Variants in ELOVL2 observed in about 807,000 individuals in gnomAD.
ELOVL2 encodes the protein very long chain fatty acid elongase 2.
Under a neutral mutation model 37.7 loss-of-function variants are expected in ELOVL2, and 38 were observed. The ratio of observed to expected loss-of-function variants is 1.01; its 90% CI spans 0.78 to 1.32. ELOVL2 has a LOEUF of 1.32. ELOVL2 is among the 40% of genes most tolerant of loss of function. ELOVL2 has a pLI of 0.00. For missense variants in ELOVL2, 352 were observed against 363.6 expected, an observed-to-expected ratio of 0.97 and a Z score of 0.26; for synonymous variants, 115 against 122.3, an observed-to-expected ratio of 0.94 and a Z score of 0.40.
intron 7 of ELOVL2, among the ~76,000 whole-genome samples, chr6:10,988,803 C>T (rs1402426777): frequency 1.3e-5 from 2 of 152,150 alleles, no homozygotes; most frequent in East Asian, 1.9e-4. Flanking sequence ...AGCTTTCATC[C>T]GTTCTTGTAC....
rs138454355 is a variant in ELOVL2, at chr6:11,042,528, T to A, written c.3+1700A>T. On this transcript the variant is annotated intron_variant, in intron 1 of 7. Transcript: ENST00000354666. ...AGCTAAAGAGATTTCCTTGGACTTA[T>A]TCCCTTACTCACTACAATTCCTACC... 3.3e-4 allele frequency among the ~76,000 whole-genome samples: 50 copies of A among 152,176 alleles called. No homozygotes were observed. In the East Asian group the frequency reaches 9.1e-3, roughly 28 times the overall value.
intron 5 of ELOVL2, among the ~76,000 whole-genome samples, chr6:10,991,951 ATTC>A (rs1782167544): frequency 6.6e-6 from 1 of 152,176 alleles, no homozygotes; most frequent in Admixed American, 6.5e-5. Flanking sequence ...TTTTTCTAAT[ATTC>A]TTAAGCAGAA....
chr6:11,005,522 G>T lies in ELOVL2; in HGVS notation c.105C>A (p.Tyr35Ter). 8 of 1,614,002 alleles carry T rather than the reference G, an allele frequency of 5.0e-6. No individual in the cohort carries two copies. The highest frequency in any genetic ancestry group is 6.8e-6 in the Non-Finnish European group (8 of 1,179,948). The change falls in exon 3 of 8, where the codon TAC becomes TAA. Residue 35 changes from tyrosine (Y) to a stop codon, truncating the protein, a stop_gained. Transcript: ENST00000354666. LOFTEE classifies it high-confidence loss of function. ...TGACAGTAAGAAAAAAGGTAGGAAG[G>T]TAAGAGTCCAACATGAACCACCCTC... The part of the protein sequence containing the change: ...RVRGWFMLDS[Y>*]LPTFFLTVMY...
chr6:11,035,662 A>C (rs1281126812), intron 1 of ELOVL2, among the ~76,000 whole-genome samples: 2 of 152,222 alleles, frequency 1.3e-5, no homozygotes, highest in Non-Finnish European at 2.9e-5. Flanking sequence ...TTTTTTTGTC[A>C]TAATATTACT....
rs1243897084 is a variant in ELOVL2 at position 10,982,360 on chromosome 6, T to C, written c.*1421A>G. 2 of 152,138 alleles carry C rather than the reference T, an allele frequency of 1.3e-5. No individual in the cohort carries two copies. The highest frequency in any genetic ancestry group is 2.9e-5 in the Non-Finnish European group (2 of 68,032). The allele number at this position is 152,138 out of a possible 1,614,324, so 9.4% of individuals were successfully genotyped here. The stretch of plus-strand genomic sequence containing the variant: ...GGGGACGGTGGTGGAAATGCCTTTC[T>C]GGTGTGCATGTATTTGATGTCAGTG... On this transcript the variant is annotated 3_prime_UTR_variant, in exon 8 of 8. Coordinates refer to ENST00000354666, the MANE Select transcript of ELOVL2 (RefSeq NM_017770.4).
At chr6:10,999,729 G>A (rs908259169) in intron 4 of ELOVL2, among the ~76,000 whole-genome samples, 1 of 152,082 alleles carries the variant, frequency 6.6e-6, no homozygotes, top group African/African-American at 2.4e-5. Flanking sequence ...AAAAATATAA[G>A]CAAATACACA....
intron 1 of ELOVL2, among the ~76,000 whole-genome samples, chr6:11,024,614 A>G (rs1453059003): frequency 1.3e-5 from 2 of 152,172 alleles, no homozygotes; most frequent in Non-Finnish European, 2.9e-5. Context: ...TTATTCTCCC[A>G]TCATTCCTAT....
chr6:10,989,077 G>A (rs1782097991), intron 7 of ELOVL2, among the ~76,000 whole-genome samples: 2 of 152,168 alleles, frequency 1.3e-5, no homozygotes, highest in Admixed American at 1.3e-4. Flanking sequence ...TTAACTTTCA[G>A]ATGTCAGACT....
At chr6:11,008,927 C>T (rs1256146651) in intron 2 of ELOVL2, among the ~76,000 whole-genome samples, 3 of 152,180 alleles carry the variant, frequency 2.0e-5, no homozygotes, top group Admixed American at 1.3e-4. Flanking sequence ...AGGAAAACCT[C>T]CTCATTCCTT....
chr6:11,042,216 G>A (rs1012211057), intron 1 of ELOVL2, among the ~76,000 whole-genome samples: 1 of 152,118 alleles, frequency 6.6e-6, no homozygotes, highest in Non-Finnish European at 1.5e-5. Flanking sequence ...AGGAGGCTGA[G>A]GCACGAGAAT....
At chr6:10,989,534 GA>G (rs1209498462) in intron 7 of ELOVL2, among the ~76,000 whole-genome samples, 168 bp downstream of exon 7, 8 of 152,044 alleles carry the variant, frequency 5.3e-5, no homozygotes, top group Non-Finnish European at 1.2e-4. Flanking sequence ...AACTACTTGA[GA>G]GGCTGAGGCA....
At chr6:10,985,048 C>T (rs1375704666) in intron 7 of ELOVL2, among the ~76,000 whole-genome samples, 9 of 152,106 alleles carry the variant, frequency 5.9e-5, no homozygotes, top group South Asian at 4.1e-4. Flanking sequence ...TTTTTAATGA[C>T]TGCCATTCTA....
intron 1 of ELOVL2, among the ~76,000 whole-genome samples, chr6:11,021,858 C>T (rs1782769408): frequency 6.6e-6 from 1 of 152,196 alleles, no homozygotes; most frequent in Non-Finnish European, 1.5e-5. Flanking sequence ...TGCAAACTGG[C>T]AGGACAGTCC....
At chr6:11,020,183 T>TA (rs113673873) in intron 1 of ELOVL2, among the ~76,000 whole-genome samples, 287 of 151,440 alleles carry the variant, frequency 1.9e-3, no homozygotes, top group Non-Finnish European at 3.1e-3. Context: ...CCTTAAGTCT[T>TA]AAAAAAAAAA....
intron 5 of ELOVL2, among the ~76,000 whole-genome samples, chr6:10,992,143 G>A (rs111962810): frequency 2.6e-3 from 391 of 152,232 alleles, no homozygotes; most frequent in African/African-American, 9.0e-3. Context: ...ATGTCTACCC[G>A]TCTAGAAGGA....
intron 6 of ELOVL2, 107 bp downstream of exon 6, chr6:10,990,211 A>G: frequency 2.8e-6 from 4 of 1,424,136 alleles, no homozygotes; most frequent in Non-Finnish European, 3.8e-6. Context: ...TGGAAAAAAA[A>G]TGGGCAGCCT....
intron 1 of ELOVL2, among the ~76,000 whole-genome samples, chr6:11,028,983 G>A (rs2113554136): frequency 6.6e-6 from 1 of 150,404 alleles, no homozygotes; most frequent in Admixed American, 6.6e-5. Context: ...TATGGTTCAG[G>A]GTGGGGCATC....
chr6:10,996,979 C>T (rs2113491319), intron 4 of ELOVL2, among the ~76,000 whole-genome samples: 1 of 152,316 alleles, frequency 6.6e-6, no homozygotes, highest in African/African-American at 2.4e-5. Flanking sequence ...CACTGCACTC[C>T]AGCCTGGGCA....
chr6:10,981,533 C>A lies in ELOVL2; in HGVS notation c.*2248G>T, dbSNP rs975377047. ...TACACATCATGAATGAAACCTCTCT[C>A]TAGTCACTGGCATTAGTTTGAAAGT... On this transcript the variant is annotated 3_prime_UTR_variant, in exon 8 of 8. Transcript: ENST00000354666. The A allele has an allele frequency of 6.6e-6, 1 of 152,632 alleles. No homozygotes were observed. The highest frequency in any genetic ancestry group is 2.4e-5 in the African/African-American group (1 of 41,452). 9.5% of individuals were successfully genotyped at this position (152,632 alleles called of 1,614,324 possible). A position where few individuals can be genotyped will look rare whatever the true frequency, so the allele number is the denominator to read the frequency against.
Sources: allele counts gnomAD v4.1 joint callset (sites outside exome capture counted in the v4.1 genomes callset), GRCh38; gene constraint gnomAD v4.1.1; transcripts MANE v1.5; gene names NCBI Gene and HGNC (gene_info 2026-07-23, HGNC 2026-07-21).